PDCD6: variants seen among roughly 807,000 people sequenced by gnomAD.
The protein encoded by PDCD6 is programmed cell death 6.
PDCD6 carries 12 observed loss-of-function variants against 28.3 expected under a neutral mutation model. That is an observed-to-expected ratio of 0.42 (90% CI 0.27 to 0.69). PDCD6 has a LOEUF of 0.69. Among genes scored for constraint, PDCD6 ranks in the 30% least tolerant of loss-of-function variants. PDCD6 has a pLI of 0.22. For synonymous variants in PDCD6, 92 were observed against 108.0 expected (o/e 0.85, Z 0.92); for missense variants, 226 against 269.9 (o/e 0.84, Z 1.14).
chr5:299,499 C>T (rs1266381488), intron 2 of PDCD6, among the ~76,000 whole-genome samples: 5 of 151,774 alleles, frequency 3.3e-5, no homozygotes, highest in Admixed American at 2.6e-4. Context: ...TTTCAAGTCT[C>T]TGTGCTTCTG....
chr5:285,281 C>T lies in PDCD6; in HGVS notation c.163+12509C>T, dbSNP rs190847365. Among the ~76,000 whole-genome samples, 384 of 151,572 alleles carry T rather than the reference C, an allele frequency of 2.5e-3. 1 individual carries two copies. Among genetic ancestry groups the T allele is most frequent in the African/African-American group, 8.9e-3 (366 of 41,336 alleles). On this transcript the variant is annotated intron_variant, in intron 2 of 5. Coordinates refer to ENST00000264933, the MANE Select transcript of PDCD6 (RefSeq NM_013232.4). ...TTTGAGAGCTGTGCAGCTGGAGACC[C>T]GGGGGGGAACTGATGCTGCAGTTTG... is the stretch of plus-strand genomic sequence containing the variant.
At chr5:295,027 G>A (rs983187231) in intron 2 of PDCD6, among the ~76,000 whole-genome samples, 2 of 152,124 alleles carry the variant, frequency 1.3e-5, no homozygotes, top group African/African-American at 2.4e-5. Context: ...GTGGAGGGGC[G>A]AATGGAGGAG....
intron 2 of PDCD6, among the ~76,000 whole-genome samples, chr5:295,552 G>C (rs1004850231): frequency 2.7e-5 from 4 of 147,362 alleles, no homozygotes; most frequent in Non-Finnish European, 4.5e-5. Flanking sequence ...AGACAAATGA[G>C]ATGAATCTTG....
chr5:297,895 A>G (rs1320509393), intron 2 of PDCD6, among the ~76,000 whole-genome samples: 2 of 152,266 alleles, frequency 1.3e-5, no homozygotes, highest in East Asian at 3.8e-4. Flanking sequence ...AAATGAAAAA[A>G]GAAAATCGAC....
intron 2 of PDCD6, chr5:276,560 A>G (rs1219415998): frequency 2.0e-6 from 2 of 980,338 alleles, no homozygotes; most frequent in Non-Finnish European, 2.4e-6. Flanking sequence ...CTCAGCCTAT[A>G]CTAATATGAA....
chr5:299,573 A>G (rs1360380835), intron 2 of PDCD6, among the ~76,000 whole-genome samples: 4 of 151,198 alleles, frequency 2.6e-5, no homozygotes, highest in Middle Eastern at 6.8e-3. Context: ...TCTTTAAGAC[A>G]GAGTCTCACT....
chr5:294,822 G>T (rs184611486), intron 2 of PDCD6, among the ~76,000 whole-genome samples: 1 of 152,132 alleles, frequency 6.6e-6, no homozygotes, highest in Non-Finnish European at 1.5e-5. Context: ...GGGAACCAAC[G>T]CGGATGCTTC....
At chr5:304,089 T>G (rs1740310784) in intron 2 of PDCD6, 88 bp from the exon 3 acceptor site, 1 of 1,489,780 alleles carries the variant, frequency 6.7e-7, no homozygotes, top group Non-Finnish European at 9.1e-7. Flanking sequence ...CCCACTGCTT[T>G]TCCTGGTGCC....
At chr5:277,289 C>G (rs1342454871) in intron 2 of PDCD6, among the ~76,000 whole-genome samples, 4 of 139,898 alleles carry the variant, frequency 2.9e-5, no homozygotes, top group African/African-American at 5.5e-5. Context: ...CCACGCCCAG[C>G]TAATTTTTTG....
chr5:286,094 A>AG (rs113120114), intron 2 of PDCD6, among the ~76,000 whole-genome samples: 32,747 of 139,914 alleles, frequency 0.23, 6,040 homozygotes, highest in African/African-American at 0.52. Flanking sequence ...CTGAGGACCC[A>AG]GGGGGGAGCT....
intron 3 of PDCD6, chr5:304,445 G>A (rs1740338161): frequency 2.6e-6 from 1 of 386,216 alleles, no homozygotes; most frequent in Admixed American, 4.7e-5. Context: ...TTAATGTACG[G>A]TGTAACCTGT....
At chr5:278,150 CA>C (rs1174195717) in intron 2 of PDCD6, among the ~76,000 whole-genome samples, 3 of 152,264 alleles carry the variant, frequency 2.0e-5, no homozygotes, top group Admixed American at 2.0e-4. Flanking sequence ...GAGGCAGAGA[CA>C]GGCTAAAGGT....
At chr5:291,122 C>T (rs1739287722) in intron 2 of PDCD6, among the ~76,000 whole-genome samples, 2 of 152,106 alleles carry the variant, frequency 1.3e-5, no homozygotes, top group Admixed American at 6.5e-5. Context: ...CAGAGGGAAT[C>T]AGTTCCTGCT....
At chr5:276,317 T>C (rs993149428) in intron 2 of PDCD6, 13 of 1,094,168 alleles carry the variant, frequency 1.2e-5, no homozygotes, top group Non-Finnish European at 1.1e-5. Context: ...TTTTTCCTCA[T>C]CGTGGGGGCT....
At chr5:273,023 A>G in intron 2 of PDCD6, 1 of 551,496 alleles carries the variant, frequency 1.8e-6, no homozygotes, top group Non-Finnish European at 3.2e-6. Context: ...AGAAATGAAA[A>G]CTAGATTGTA....
intron 5 of PDCD6, 38 bp downstream of exon 5, chr5:311,440 G>T: frequency 1.4e-6 from 2 of 1,413,922 alleles, no homozygotes; most frequent in Non-Finnish European, 2.0e-6. Context: ...TGGTGGTGGT[G>T]GGAGGGGCTT....
intron 1 of PDCD6, 74 bp downstream of exon 1, chr5:271,895 C>T: frequency 1.3e-6 from 1 of 790,672 alleles, no homozygotes; most frequent in Non-Finnish European, 1.8e-6. Context: ...ACTCCCCCGA[C>T]CAACCCCGTT....
chr5:290,858 G>A (rs1215719554), intron 2 of PDCD6, among the ~76,000 whole-genome samples: 6 of 152,212 alleles, frequency 3.9e-5, no homozygotes, highest in Admixed American at 2.6e-4. Context: ...GTGAGGTTCC[G>A]TGGATGGAAG....
chr5:281,052 A>C (rs1364504237), intron 2 of PDCD6, among the ~76,000 whole-genome samples: 1 of 152,268 alleles, frequency 6.6e-6, no homozygotes, highest in African/African-American at 2.4e-5. Context: ...GATCGCATCT[A>C]CAGCTGTGTG....
Sources: gnomAD v4.1 joint callset for allele counts (sites outside exome capture counted in the v4.1 genomes callset) on GRCh38, gnomAD v4.1.1 for gene constraint, MANE v1.5 for transcripts, NCBI Gene and HGNC (gene_info 2026-07-23, HGNC 2026-07-21) for gene names.